The following MICAL2 variants were observed in gnomAD, a reference collection of about 807,000 sequenced individuals.
The protein encoded by MICAL2 is microtubule associated monooxygenase, calponin and LIM domain containing 2, also known as [F-actin]-monooxygenase MICAL2.
MICAL2 carries 77 observed loss-of-function variants against 127.3 expected under a neutral mutation model. The observed-to-expected ratio is 0.60, with a 90% CI of 0.50 to 0.73. MICAL2 has a LOEUF of 0.73. Among genes scored for constraint, MICAL2 ranks in the 30% least tolerant of loss-of-function variants. MICAL2 has a pLI of 0.00. For synonymous variants in MICAL2, 570 were observed against 551.1 expected, an observed-to-expected ratio of 1.03 and a Z score of -0.48; for missense variants, 1,351 against 1,434.4, an observed-to-expected ratio of 0.94 and a Z score of 0.94.
chr11:12,183,169 T>TG (rs1328124101), intron 3 of MICAL2, among the ~76,000 whole-genome samples: 4 of 151,272 alleles, frequency 2.6e-5, no homozygotes, highest in Non-Finnish European at 5.9e-5. Context: ...CTGACTCCTT[T>TG]TTTTTTTTCT....
At chr11:12,235,933 C>T (rs531910660) in intron 15 of MICAL2, among the ~76,000 whole-genome samples, 29 of 152,316 alleles carry the variant, frequency 1.9e-4, no homozygotes, top group African/African-American at 4.6e-4. Flanking sequence ...CCCCTTCTGA[C>T]GAAGCCTTGG....
At chr11:12,292,143 G>A (rs768864025), downstream of MICAL2, 2 of 1,613,344 alleles carry the variant, frequency 1.2e-6, no homozygotes, top group Non-Finnish European at 1.7e-6. Context: ...TCCTTGGTAG[G>A]TTTGACGCCA....
chr11:12,114,940 G>C (rs555520633), intron 1 of MICAL2, among the ~76,000 whole-genome samples: 3 of 152,240 alleles, frequency 2.0e-5, no homozygotes, highest in African/African-American at 7.2e-5. Context: ...GGTCACTTCT[G>C]TCCAAGCTTT....
chr11:12,180,921 C>CTTTTTTTTTTTTTTT (rs56946936), intron 3 of MICAL2, among the ~76,000 whole-genome samples: 1 of 82,474 alleles, frequency 1.2e-5, no homozygotes, highest in African/African-American at 4.0e-5. Flanking sequence ...TATTTTCCTT[C>CTTTTTTTTTTTTTTT]TTTTTTTTTT....
At chr11:12,228,258 A>G (rs1373683728) in intron 15 of MICAL2, among the ~76,000 whole-genome samples, 1 of 152,150 alleles carries the variant, frequency 6.6e-6, no homozygotes, top group African/African-American at 2.4e-5. Flanking sequence ...TGAACCCAGG[A>G]GGCAGAGGTT....
At chr11:12,208,843 A>G (rs1265657126) in intron 5 of MICAL2, among the ~76,000 whole-genome samples, 6 of 152,196 alleles carry the variant, frequency 3.9e-5, no homozygotes, top group Admixed American at 3.9e-4. Flanking sequence ...TTTCCTGCTT[A>G]GGGTACATTT....
At chr11:12,123,559 G>T (rs1850678381) in intron 1 of MICAL2, among the ~76,000 whole-genome samples, 2 of 152,168 alleles carry the variant, frequency 1.3e-5, no homozygotes, top group African/African-American at 4.8e-5. Flanking sequence ...TTTAGATCAT[G>T]GTTGTTCAGA....
rs777460234 is a variant in MICAL2 at position 12,204,315 on chromosome 11, C to A, written c.330C>A (p.Ala110=). 143 of 1,614,044 alleles carry A rather than the reference C, an allele frequency of 8.9e-5. No individual in the cohort carries two copies. The highest frequency in any genetic ancestry group is 1.2e-4 in the Non-Finnish European group (140 of 1,180,032). Residue 110 remains alanine, a synonymous_variant, in exon 4 of 28, where the codon GCC becomes GCA. Coordinates refer to ENST00000683283, the MANE Select transcript of MICAL2 (RefSeq NM_001282663.2). ...CCATTGAACTTGCCTACCTGGGAGC[C>A]AAAGTGGTCGTGGTGGAGAAGAGGG... The part of the protein sequence containing the change: ...RTAIELAYLG[A]KVVVVEKRDS...
intron 3 of MICAL2, among the ~76,000 whole-genome samples, chr11:12,179,753 G>A (rs1348123899): frequency 1.3e-5 from 2 of 151,264 alleles, no homozygotes; most frequent in Non-Finnish European, 2.9e-5. Flanking sequence ...CTGTTAGAGA[G>A]AGCTGCAGAG....
intron 25 of MICAL2, chr11:12,259,542 G>A (rs1311271559): frequency 2.0e-5 from 8 of 402,924 alleles, no homozygotes; most frequent in Admixed American, 4.2e-5. Context: ...TTTACTTGAT[G>A]TATATCATTA....
At position 12,249,429 on chromosome 11, in the gene MICAL2, C is replaced by T. The variant is rs528799286; in HGVS notation, c.2847+183C>T. On this transcript the variant is annotated intron_variant, in intron 22 of 27. Transcript: ENST00000683283. ...GCTCACAGCCCCTAAGGCCTGCCTG[C>T]GTCTCAGCTCTGAACTTGTAATTTC... Among the ~76,000 whole-genome samples the T allele has an allele frequency of 1.8e-4, 27 of 152,348 alleles. No homozygotes were observed. In the South Asian group the frequency reaches 2.3e-3, roughly 13 times the overall value.
At chr11:12,259,109 CT>C (rs1424936240) in intron 25 of MICAL2, among the ~76,000 whole-genome samples, 1 of 152,138 alleles carries the variant, frequency 6.6e-6, no homozygotes, top group Non-Finnish European at 1.5e-5. Flanking sequence ...AAACTTTTTT[CT>C]AATTAGCCAA....
rs138754325 is a variant in MICAL2 at position 12,162,190 on chromosome 11, C to A, written c.35C>A (p.Ala12Glu). The A allele has an allele frequency of 3.1e-6, 5 of 1,614,036 alleles. No homozygotes were observed. Among genetic ancestry groups the A allele is most frequent in the African/African-American group, 1.3e-5 (1 of 74,906 alleles). Residue 12 changes from alanine (A) to glutamate (E), a missense_variant, in exon 3 of 28, where the codon GCG becomes GAG. Physicochemically the swap from Ala to Glu is moderately radical, Grantham distance 107. This residue lies in a region of MICAL2 where 599 missense variants were observed against 714.9 expected (regional missense o/e 0.84). Coordinates refer to ENST00000683283, the MANE Select transcript of MICAL2 (RefSeq NM_001282663.2). ...AACGAGGATGAGAAGCAGGCCCAGG[C>A]GGGGCAGGTTTTTGAGAACTTTGTC... Reference protein sequence around the residue: ...GENEDEKQAQAGQVFENFVQA... With the variant: ...GENEDEKQAQEGQVFENFVQA...
chr11:12,261,315 C>T, intron 26 of MICAL2: 1 of 985,516 alleles, frequency 1.0e-6, no homozygotes, highest in Non-Finnish European at 1.2e-6. Flanking sequence ...GAAGCTCTAC[C>T]ATATCTTGAC....
chr11:12,312,795 A>G (rs371346818), intron 29 of MICAL2, among the ~76,000 whole-genome samples: 7 of 152,334 alleles, frequency 4.6e-5, no homozygotes, highest in African/African-American at 1.4e-4. Context: ...CTGTCTCTTC[A>G]GATCTTTCTT....
intron 1 of MICAL2, among the ~76,000 whole-genome samples, chr11:12,113,827 CT>C (rs1849786377): frequency 6.6e-6 from 1 of 151,726 alleles, no homozygotes; most frequent in South Asian, 2.1e-4. Flanking sequence ...TGGGATGTAT[CT>C]CCCTGAGATG....
intron 3 of MICAL2, among the ~76,000 whole-genome samples, chr11:12,168,100 G>C: frequency 6.6e-6 from 1 of 151,010 alleles, no homozygotes; most frequent in South Asian, 2.1e-4. Context: ...CCAGGAGTTC[G>C]AAACCAAATT....
chr11:12,215,785 C>G (rs190111783), intron 7 of MICAL2, among the ~76,000 whole-genome samples: 6 of 152,326 alleles, frequency 3.9e-5, no homozygotes, highest in African/African-American at 1.4e-4. Context: ...TATTCCTTGG[C>G]ATAGTCATTG....
At chr11:12,177,997 A>G (rs748941895) in intron 3 of MICAL2, among the ~76,000 whole-genome samples, 1 of 152,170 alleles carries the variant, frequency 6.6e-6, no homozygotes, top group East Asian at 1.9e-4. Flanking sequence ...TTGCATGCTG[A>G]TAAGATGCTT....
Sources: allele counts gnomAD v4.1 joint callset (sites outside exome capture counted in the v4.1 genomes callset), GRCh38; gene constraint gnomAD v4.1.1; regional missense constraint gnomAD v4.1.1; transcripts MANE v1.5; gene names NCBI Gene and HGNC (gene_info 2026-07-23, HGNC 2026-07-21).